NRN1L: variants seen among roughly 807,000 people sequenced by gnomAD.
NRN1L encodes the protein neuritin-like protein.
A neutral mutation model predicts 8.8 loss-of-function variants in NRN1L; 12 were observed. The observed-to-expected ratio is 1.36, with a 90% CI of 0.87 to 2.20. The LOEUF (loss-of-function observed/expected upper bound fraction) is 2.20. NRN1L is among the 30% of genes most tolerant of loss of function. The probability of loss-of-function intolerance (pLI) is 0.00; values close to 1 mark genes in which losing one functional copy is unlikely to be tolerated. For missense variants in NRN1L, 266 were observed against 232.4 expected (o/e 1.14, Z -0.94); for synonymous variants, 114 against 99.2 (o/e 1.15, Z -0.88).
At chr16:67,887,963 T>G (rs1029182137), downstream of NRN1L, among the ~76,000 whole-genome samples, 5 of 152,328 alleles carry the variant, frequency 3.3e-5, no homozygotes, top group African/African-American at 1.2e-4. Context: ...AACTATTCCC[T>G]AACCCTGACT....
At chr16:67,885,381 C>CTTTTTTA in intron 1 of NRN1L, 1 of 465,708 alleles carries the variant, frequency 2.1e-6, no homozygotes, top group South Asian at 2.7e-5. Flanking sequence ...TGCACCTGCT[C>CTTTTTTA]CTGGTCCGGG....
rs2058090497 is a variant in NRN1L at position 67,885,248 on chromosome 16, A to C, written c.79+266A>C. 5.1e-6 allele frequency: 3 copies of C among 583,282 alleles called. No individual in the cohort carries two copies. In the East Asian group the frequency reaches 8.6e-5, roughly 17 times the overall value. The allele number at this position is 583,282 out of a possible 1,614,324, so 36.1% of individuals were successfully genotyped here. ...TTATAGACCAGTCGTAGGATCCCTA[A>C]GTCCTCTCTGAGGGTCTGGCCTGGA... is the stretch of plus-strand genomic sequence containing the variant. On this transcript the variant is annotated intron_variant, in intron 1 of 2. Coordinates refer to ENST00000339176, the MANE Select transcript of NRN1L (RefSeq NM_198443.2).
Position 67,885,640 on chromosome 16 carries a change from A to T in NRN1L, c.80-82A>T, listed in dbSNP as rs572731480. On this transcript the variant is annotated intron_variant, in intron 1 of 2. Transcript: ENST00000339176. ...ACATCCCCAGAGTGCTCCCAGGTAA[A>T]CAAGCCCCTGGGGGCTGGGGGATGA... 12 of 1,148,676 alleles carry T rather than the reference A, an allele frequency of 1.0e-5. No individual in the cohort carries two copies. The African/African-American group carries it at 1.2e-4, about 12-fold the overall frequency. 71.2% of individuals were successfully genotyped at this position (1,148,676 alleles called of 1,614,324 possible).
chr16:67,885,545 A>C, intron 1 of NRN1L, 177 bp from the exon 2 acceptor site: 5 of 585,230 alleles, frequency 8.5e-6, no homozygotes, highest in Non-Finnish European at 1.5e-5. Context: ...TCCTACCTTG[A>C]AGGGGGCCTG....
chr16:67,885,703 A>G lies in NRN1L; in HGVS notation c.80-19A>G. ...CTATCTACCATTCCTTCCCCACCCC[A>G]CCCCCGCCCCACTTCTAGTCCTTTT... On this transcript the variant is annotated intron_variant, in intron 1 of 2. Coordinates refer to ENST00000339176, the MANE Select transcript of NRN1L (RefSeq NM_198443.2). 9.4e-6 allele frequency: 6 copies of G among 635,074 alleles called. No individual in the cohort carries two copies. The highest frequency in any genetic ancestry group is 1.4e-5 in the Non-Finnish European group (6 of 414,478). 39.3% of individuals were successfully genotyped at this position (635,074 alleles called of 1,614,324 possible).
chr16:67,885,602 T>C (rs914910576), intron 1 of NRN1L, 120 bp from the exon 2 acceptor site: 2 of 760,780 alleles, frequency 2.6e-6, no homozygotes, highest in Non-Finnish European at 2.1e-6. Flanking sequence ...GGGCACCCTT[T>C]TTCCGCTGAG....
At chr16:67,886,461 G>T (rs1263378550), downstream of NRN1L, 4 of 577,548 alleles carry the variant, frequency 6.9e-6, no homozygotes, top group Non-Finnish European at 1.2e-5. Context: ...GGAATGGGCG[G>T]GGCTGAGGGC....
intron 1 of NRN1L, 29 bp from the exon 2 acceptor site, chr16:67,885,693 T>TGCCCCCCCCCCCCCC: frequency 4.8e-6 from 6 of 1,257,186 alleles, no homozygotes; most frequent in African/African-American, 1.5e-5. Context: ...TACCATTCCT[T>TGCCCCCCCCCCCCCC]CCCCACCCCA....
chr16:67,885,036 C>A, intron 1 of NRN1L, 54 bp downstream of exon 1: 1 of 1,476,594 alleles, frequency 6.8e-7, no homozygotes, highest in Non-Finnish European at 9.4e-7. Flanking sequence ...CCAGCCAAGC[C>A]AGGCTGGGCA....
chr16:67,886,281 G>T lies in NRN1L; in HGVS notation c.*22G>T, dbSNP rs373857177. 1 of 1,558,878 alleles carries T rather than the reference G, an allele frequency of 6.4e-7. No individual in the cohort carries two copies. Among genetic ancestry groups the T allele is most frequent in the Admixed American group, 1.8e-5 (1 of 55,330 alleles). ...CTAGCTTGTTGGGTTGGGTAGCAGC[G>T]CCCGTACCTCCAGCCCTGCTCTGGC... On this transcript the variant is annotated 3_prime_UTR_variant, in exon 3 of 3. Transcript: ENST00000339176.
chr16:67,886,616 G>A (rs535182123), downstream of NRN1L, among the ~76,000 whole-genome samples: 1 of 152,272 alleles, frequency 6.6e-6, no homozygotes, highest in East Asian at 1.9e-4. Flanking sequence ...CTACCTTCCT[G>A]TGCGGGTTGA....
intron 2 of NRN1L, 54 bp downstream of exon 2, chr16:67,885,908 C>T: frequency 1.9e-6 from 3 of 1,581,850 alleles, no homozygotes; most frequent in Middle Eastern, 1.7e-4. Flanking sequence ...GGGGACTGAA[C>T]CTTTTATTTC....
downstream of NRN1L, chr16:67,886,392 C>G: frequency 1.1e-6 from 1 of 879,956 alleles, no homozygotes; most frequent in Non-Finnish European, 1.7e-6. Flanking sequence ...TTTCTCCTGG[C>G]TGTGGCCTTG....
intron 1 of NRN1L, 116 bp from the exon 2 acceptor site, chr16:67,885,606 C>A (rs1450047251): frequency 2.6e-6 from 2 of 781,148 alleles, no homozygotes; most frequent in Non-Finnish European, 4.0e-6. Flanking sequence ...ACCCTTTTTC[C>A]GCTGAGTCAC....
intron 1 of NRN1L, chr16:67,885,321 T>G (rs2058090868): frequency 2.0e-6 from 1 of 500,626 alleles, no homozygotes; most frequent in African/African-American, 2.0e-5. Flanking sequence ...ATATTTATCT[T>G]TAGAGAGAGT....
chr16:67,885,422 C>T (rs2058091604), intron 1 of NRN1L: 3 of 487,726 alleles, frequency 6.2e-6, no homozygotes, highest in Non-Finnish European at 7.3e-6. Context: ...TCCACCCTGT[C>T]CTGACTCCTT....
chr16:67,887,869 C>T (rs1338719802), downstream of NRN1L, among the ~76,000 whole-genome samples: 4 of 152,166 alleles, frequency 2.6e-5, no homozygotes, highest in African/African-American at 7.2e-5. Flanking sequence ...CGTGAGCCAC[C>T]GCGCCCGGCC....
rs146612935 is a variant in NRN1L at position 67,885,830 on chromosome 16, G to A, written c.188G>A (p.Gly63Glu). Residue 63 changes from glycine to glutamate, a missense_variant, in exon 2 of 3, where the codon GGA becomes GAA. Physicochemically the swap from Gly to Glu is moderately conservative, Grantham distance 98. Transcript: ENST00000339176. ...LIRLGDSMGR[G>E]GELETICRSW... ...CGCTTGGGGGACAGCATGGGCCGCG[G>A]AGGCGAGCTGGAGACCATCTGCAGG... 12 of 1,577,824 alleles carry A rather than the reference G, an allele frequency of 7.6e-6. No individual in the cohort carries two copies. Among genetic ancestry groups the A allele is most frequent in the African/African-American group, 1.4e-5 (1 of 73,800 alleles).
chr16:67,886,078 C>A lies in NRN1L; in HGVS notation c.317C>A (p.Pro106His), dbSNP rs201561757. 1.2e-4 allele frequency: 193 copies of A among 1,613,542 alleles called. No homozygotes were observed. The highest frequency in any genetic ancestry group is 1.1e-3 in the East Asian group (50 of 44,872). ...CTACAGCAAGAAGCTCGCCAGGCCCCCCGTCCGAATAACTTGCACACTCTG... is the reference window on the plus strand; with the variant it reads ...CTACAGCAAGAAGCTCGCCAGGCCCACCGTCCGAATAACTTGCACACTCTG... ...ESLQQEARQA[P>H]RPNNLHTLCG... The change falls in exon 3 of 3, where the codon CCC becomes CAC. Residue 106 changes from proline (P) to histidine (H), a missense_variant. Physicochemically the swap from Pro to His is moderately conservative, Grantham distance 77. Transcript: ENST00000339176.
Sources: allele counts gnomAD v4.1 joint callset (sites outside exome capture counted in the v4.1 genomes callset), GRCh38; gene constraint gnomAD v4.1.1; transcripts MANE v1.5; gene names NCBI Gene and HGNC (gene_info 2026-07-23, HGNC 2026-07-21).